Variants in SLIRP observed in about 807,000 individuals in gnomAD.
SLIRP encodes the protein SRA stem-loop-interacting RNA-binding protein, mitochondrial.
Under a neutral mutation model 13.4 loss-of-function variants are expected in SLIRP, and 12 were observed. The ratio of observed to expected loss-of-function variants is 0.89; its 90% confidence interval spans 0.57 to 1.45. SLIRP has a LOEUF of 1.45. Among genes scored for constraint, SLIRP ranks in the 40% most tolerant of loss-of-function variants. The probability of loss-of-function intolerance (pLI) is 0.00; values close to 1 mark genes in which losing one functional copy is unlikely to be tolerated. For missense variants in SLIRP, 154 were observed against 132.2 expected, an observed-to-expected ratio of 1.17 and a Z score of -0.81; for synonymous variants, 55 against 47.1, an observed-to-expected ratio of 1.17 and a Z score of -0.69.
At chr14:77,715,122 CTTAA>C (rs1308062472) in intron 2 of SLIRP, among the ~76,000 whole-genome samples, 7 of 151,938 alleles carry the variant, frequency 4.6e-5, no homozygotes, top group African/African-American at 1.7e-4. Context: ...GGCTTTGAGG[CTTAA>C]TTTTCTAGTT....
chr14:77,714,834 T>G (rs1211401811), intron 2 of SLIRP, among the ~76,000 whole-genome samples: 2 of 152,202 alleles, frequency 1.3e-5, no homozygotes, highest in African/African-American at 4.8e-5. Flanking sequence ...GAGGACCAGT[T>G]TGTCATCTAC....
At chr14:77,708,085 G>T, upstream of SLIRP, 4 of 1,610,500 alleles carry the variant, frequency 2.5e-6, no homozygotes, top group Non-Finnish European at 3.4e-6. Flanking sequence ...CCGCGACCTC[G>T]GCTCGAGAAG....
rs190882626 is a variant in SLIRP, at chr14:77,712,508, G to A, written c.156+1612G>A. ...GGCCTAGGCTGGAGTGCAGTGGCGC[G>A]ATCTCGGCTCACCACAAGCTCTGCC... On this transcript the variant is annotated intron_variant, in intron 2 of 3. Transcript: ENST00000557342. Among the ~76,000 whole-genome samples, 1,067 of 121,664 alleles carry A rather than the reference G, an allele frequency of 8.8e-3. 8 individuals are homozygous for A. The highest frequency in any genetic ancestry group is 0.033 in the African/African-American group (1,024 of 31,086). 79.8% of individuals were successfully genotyped at this position (121,664 alleles called of 152,430 possible). A position where few individuals can be genotyped will look rare whatever the true frequency, so the allele number is the denominator to read the frequency against.
Position 77,716,783 on chromosome 14 carries a change from G to C in SLIRP, c.265-713G>C, listed in dbSNP as rs939842013. 3.3e-5 allele frequency among the ~76,000 whole-genome samples: 5 copies of C among 151,428 alleles called. No homozygotes were observed. The East Asian group carries it at 5.9e-4, about 18-fold the overall frequency. On this transcript the variant is annotated intron_variant, in intron 3 of 3. Transcript: ENST00000557342. The stretch of plus-strand genomic sequence containing the variant: ...CAGTCTACTTTTCTTTTTTCTTTTT[G>C]AGAGTCTTGCTCTTGTTGCCCAGGC...
intron 2 of SLIRP, 92 bp from the exon 3 acceptor site, chr14:77,715,680 T>C (rs2080470729): frequency 9.5e-7 from 1 of 1,054,772 alleles, no homozygotes; most frequent in Non-Finnish European, 1.4e-6. Context: ...AGTCCGATTT[T>C]TGGCAGATGA....
At chr14:77,714,457 C>A (rs2139880281) in intron 2 of SLIRP, among the ~76,000 whole-genome samples, 1 of 152,312 alleles carries the variant, frequency 6.6e-6, no homozygotes, top group South Asian at 2.1e-4. Context: ...TGGGCCACCA[C>A]ACCCAGCTAA....
chr14:77,714,757 A>G (rs1353542137), intron 2 of SLIRP, among the ~76,000 whole-genome samples: 1 of 152,208 alleles, frequency 6.6e-6, no homozygotes, highest in Non-Finnish European at 1.5e-5. Flanking sequence ...TTATCCTTGA[A>G]GTAGAGGAGC....
intron 1 of SLIRP, 28 bp from the exon 2 acceptor site, chr14:77,710,810 A>G (rs375451924): frequency 1.2e-6 from 2 of 1,613,762 alleles, no homozygotes; most frequent in Non-Finnish European, 8.5e-7. Flanking sequence ...TATAGTAACT[A>G]CTTTTAATGT....
chr14:77,714,291 C>T (rs2080460253), intron 2 of SLIRP, among the ~76,000 whole-genome samples: 2 of 152,058 alleles, frequency 1.3e-5, no homozygotes, highest in Admixed American at 6.6e-5. Flanking sequence ...CAGGCATGAG[C>T]CACCACACCT....
At chr14:77,714,632 G>C (rs973004453) in intron 2 of SLIRP, among the ~76,000 whole-genome samples, 1 of 152,208 alleles carries the variant, frequency 6.6e-6, no homozygotes, top group South Asian at 2.1e-4. Flanking sequence ...GCCTTTGACT[G>C]TGGAAGTGGT....
intron 1 of SLIRP, among the ~76,000 whole-genome samples, chr14:77,709,338 T>C (rs1051093138): frequency 1.3e-5 from 2 of 152,202 alleles, no homozygotes; most frequent in African/African-American, 4.8e-5. Flanking sequence ...TTCTAAGTTT[T>C]TAGTGGCTCA....
At chr14:77,714,688 G>A (rs1408375895) in intron 2 of SLIRP, among the ~76,000 whole-genome samples, 5 of 152,232 alleles carry the variant, frequency 3.3e-5, no homozygotes, top group African/African-American at 1.2e-4. Context: ...TATCTACAAT[G>A]AATGGATCAT....
Position 77,717,490 on chromosome 14 carries a change from T to G in SLIRP, c.265-6T>G, listed in dbSNP as rs372676605. 2.7e-5 allele frequency: 43 copies of G among 1,611,790 alleles called. No individual in the cohort carries two copies. The African/African-American group carries it at 5.5e-4, about 21-fold the overall frequency. On this transcript the variant is annotated splice_polypyrimidine_tract_variant and splice_region_variant and intron_variant, in intron 3 of 3. Coordinates refer to ENST00000557342, the MANE Select transcript of SLIRP (RefSeq NM_031210.6). ...TTTCCTCCCTTACAGTGCTTATTTT[T>G]TTAAGGTCCAGGTTCACACTAGAAG...
At chr14:77,713,530 G>A (rs2080456027) in intron 2 of SLIRP, among the ~76,000 whole-genome samples, 1 of 152,190 alleles carries the variant, frequency 6.6e-6, no homozygotes, top group African/African-American at 2.4e-5. Flanking sequence ...AGTTCAACTG[G>A]TACCTTCAGT....
At chr14:77,714,657 G>T (rs1245046369) in intron 2 of SLIRP, among the ~76,000 whole-genome samples, 1 of 152,210 alleles carries the variant, frequency 6.6e-6, no homozygotes, top group Non-Finnish European at 1.5e-5. Flanking sequence ...TGACAATAAA[G>T]GAATGCTTTA....
chr14:77,713,975 AT>A (rs1412769448), intron 2 of SLIRP, among the ~76,000 whole-genome samples: 2 of 151,514 alleles, frequency 1.3e-5, no homozygotes, highest in Non-Finnish European at 3.0e-5. Flanking sequence ...GACAAAAAAA[AT>A]ATTTTTTTGT....
chr14:77,710,957 A>C, intron 2 of SLIRP, 61 bp downstream of exon 2: 3 of 1,375,812 alleles, frequency 2.2e-6, no homozygotes, highest in Non-Finnish European at 3.1e-6. Context: ...AAAAAAATAG[A>C]ATGAATAAGA....
At chr14:77,715,917 C>G in intron 3 of SLIRP, 38 bp downstream of exon 3, 1 of 1,387,508 alleles carries the variant, frequency 7.2e-7, no homozygotes, top group Non-Finnish European at 1.0e-6. Context: ...ACATGATATA[C>G]ATGTAGGTAC....
At chr14:77,713,316 T>G (rs2080454577) in intron 2 of SLIRP, among the ~76,000 whole-genome samples, 1 of 152,218 alleles carries the variant, frequency 6.6e-6, no homozygotes, top group Admixed American at 6.5e-5. Flanking sequence ...TTTTAGGGTG[T>G]GATGTGAGTA....
Sources: allele counts gnomAD v4.1 joint callset (sites outside exome capture counted in the v4.1 genomes callset), GRCh38; gene constraint gnomAD v4.1.1; transcripts MANE v1.5; gene names NCBI Gene and HGNC (gene_info 2026-07-23, HGNC 2026-07-21).